The following KTN1 variants were observed in gnomAD, a reference collection of about 807,000 sequenced individuals.
The protein encoded by KTN1 is kinectin.
A neutral mutation model predicts 222.5 loss-of-function variants in KTN1; 130 were observed. The ratio of observed to expected loss-of-function variants is 0.58; its 90% confidence interval spans 0.51 to 0.68. KTN1 has a LOEUF of 0.68. Ranked by LOEUF, KTN1 falls within the 30% of genes least tolerant of loss-of-function variation. The probability of loss-of-function intolerance (pLI) is 0.00; values close to 1 mark genes in which losing one functional copy is unlikely to be tolerated. For missense variants in KTN1, 1,508 were observed against 1,500.4 expected (o/e 1.01, Z -0.08); for synonymous variants, 512 against 496.3 (o/e 1.03, Z -0.42).
chr14:55,611,173 G>A (rs535791620), intron 1 of KTN1, among the ~76,000 whole-genome samples: 50 of 151,958 alleles, frequency 3.3e-4, no homozygotes, highest in African/African-American at 1.2e-3. Flanking sequence ...CTGAAGCCTC[G>A]ACTTCAAAGG....
At chr14:55,580,405 G>C (rs1451862961) in intron 1 of KTN1, 51 bp downstream of exon 1, 1 of 146,602 alleles carries the variant, frequency 6.8e-6, no homozygotes, top group East Asian at 2.0e-4. Context: ...GGGGAGCGCG[G>C]GGGGAGGCGG....
intron 1 of KTN1, among the ~76,000 whole-genome samples, chr14:55,597,784 G>T (rs1232261555): frequency 6.6e-6 from 1 of 152,104 alleles, no homozygotes; most frequent in Admixed American, 6.5e-5. Flanking sequence ...AGCCCGGGAG[G>T]GGGAGGATGC....
Position 55,627,971 on chromosome 14 carries a change from C to T in KTN1, c.1023C>T (p.Leu341=), listed in dbSNP as rs776080528. Residue 341 remains leucine (L), a synonymous_variant, in exon 6 of 44, where the codon CTC becomes CTT. Coordinates refer to ENST00000395314, the MANE Select transcript of KTN1 (RefSeq NM_001079521.2). ...AGCTTCAAGAAAAGGACAAGTTACT[C>T]GCTGCTGTGAAGGAAGATGCTGCTG... ...IHQLQEKDKL[L]AAVKEDAAAT... is the part of the protein sequence containing the mutation. 1.1e-5 allele frequency: 18 copies of T among 1,613,868 alleles called. No individual in the cohort carries two copies. The highest frequency in any genetic ancestry group is 6.7e-5 in the East Asian group (3 of 44,866).
intron 30 of KTN1, among the ~76,000 whole-genome samples, chr14:55,659,376 G>A (rs1225791452): frequency 1.4e-5 from 2 of 147,320 alleles, no homozygotes; most frequent in African/African-American, 2.5e-5. Flanking sequence ...TGTGCAGTTT[G>A]AAAATGTAAG....
chr14:55,629,417 C>CAAAAAAAAA (rs58348373), intron 6 of KTN1, among the ~76,000 whole-genome samples: 1 of 49,148 alleles, frequency 2.0e-5, no homozygotes, highest in Non-Finnish European at 4.2e-5. Flanking sequence ...GACTCCGTCT[C>CAAAAAAAAA]AAAAAAAAAA....
Position 55,650,611 on chromosome 14 carries a change from A to G in KTN1, c.2539A>G (p.Asn847Asp). The change falls in exon 24 of 44, where the codon AAT becomes GAT. Residue 847 changes from asparagine (N) to aspartate (D), a missense_variant. Transcript: ENST00000395314. ...EIKALKEEIG[N>D]VQLEKAQQLS... The stretch of plus-strand genomic sequence containing the variant: ...AAAGGCTCTAAAAGAAGAAATAGGA[A>G]ATGTCCAGCTTGAAAAGGCTCAACA... The G allele has an allele frequency of 6.2e-7, 1 of 1,612,502 alleles. No individual in the cohort carries two copies. Among genetic ancestry groups the G allele is most frequent in the South Asian group, 1.1e-5 (1 of 90,996 alleles).
intron 1 of KTN1, among the ~76,000 whole-genome samples, chr14:55,610,892 G>GC (rs944098510): frequency 1.3e-5 from 2 of 152,132 alleles, no homozygotes; most frequent in Admixed American, 1.3e-4. Flanking sequence ...ATCGCCACCC[G>GC]CCCCCTTCCC....
At chr14:55,582,143 G>C (rs1023152210) in intron 1 of KTN1, among the ~76,000 whole-genome samples, 9 of 152,050 alleles carry the variant, frequency 5.9e-5, no homozygotes, top group Admixed American at 2.6e-4. Context: ...CTTAATACTT[G>C]AAAATTATAA....
At chr14:55,601,573 TA>T (rs1431660461) in intron 1 of KTN1, among the ~76,000 whole-genome samples, 3 of 152,230 alleles carry the variant, frequency 2.0e-5, no homozygotes, top group East Asian at 3.8e-4. Context: ...AGGAAATGGT[TA>T]ATGCTTTGTC....
chr14:55,649,637 A>T, intron 21 of KTN1, 139 bp from the exon 22 acceptor site: 1 of 586,400 alleles, frequency 1.7e-6, no homozygotes, highest in South Asian at 2.2e-5. Flanking sequence ...ATGACATTAA[A>T]AAAGTCTCGA....
intron 1 of KTN1, among the ~76,000 whole-genome samples, chr14:55,595,687 A>C (rs557538189): frequency 1.1e-4 from 16 of 152,176 alleles, no homozygotes; most frequent in Non-Finnish European, 1.9e-4. Context: ...AATATTCTTC[A>C]ATTTATGCCA....
At chr14:55,673,478 G>A in intron 40 of KTN1, 1 of 350,306 alleles carries the variant, frequency 2.9e-6, no homozygotes, top group Non-Finnish European at 5.1e-6. Context: ...GGCATGTTTG[G>A]CTTCCAACTC....
intron 5 of KTN1, among the ~76,000 whole-genome samples, chr14:55,626,751 CTT>C (rs2039880841): frequency 2.0e-5 from 3 of 152,214 alleles, no homozygotes; most frequent in Non-Finnish European, 4.4e-5. Context: ...GCCTTTGCTG[CTT>C]TTCAGATAAG....
intron 18 of KTN1, among the ~76,000 whole-genome samples, chr14:55,645,161 C>A (rs553481068): frequency 2.6e-5 from 4 of 152,068 alleles, no homozygotes; most frequent in Non-Finnish European, 4.4e-5. Flanking sequence ...AACTAAACCT[C>A]GTTTTGAAAA....
At chr14:55,652,738 A>G (rs1418499472) in intron 25 of KTN1, 112 bp from the exon 26 acceptor site, 4 of 674,864 alleles carry the variant, frequency 5.9e-6, no homozygotes, top group Non-Finnish European at 1.0e-5. Context: ...GTTTAGTTCA[A>G]TCAGCTGGTC....
In KTN1 at chr14:55,612,013, A is replaced by G. The variant is rs759530442; in HGVS notation, c.-30-6A>G. On this transcript the variant is annotated splice_polypyrimidine_tract_variant and splice_region_variant and intron_variant, in intron 1 of 43. Transcript: ENST00000395314. ...TTTTTTTGTCCCCACCTTCTTCCCT[A>G]TTTAGGTTTTATAGGATCACATTGA... The G allele has an allele frequency of 3.3e-6, 4 of 1,195,524 alleles. No homozygotes were observed. Among genetic ancestry groups the G allele is most frequent in the Non-Finnish European group, 3.3e-6 (3 of 909,610 alleles). The allele number at this position is 1,195,524 out of a possible 1,614,324, so 74.1% of individuals were successfully genotyped here.
At chr14:55,582,625 G>A (rs1402100704) in intron 1 of KTN1, among the ~76,000 whole-genome samples, 2 of 149,734 alleles carry the variant, frequency 1.3e-5, no homozygotes, top group African/African-American at 2.5e-5. Flanking sequence ...AACTTGAATG[G>A]AACATGTGTT....
chr14:55,608,031 A>G (rs1307286311), intron 1 of KTN1, among the ~76,000 whole-genome samples: 3 of 152,256 alleles, frequency 2.0e-5, no homozygotes, highest in Non-Finnish European at 4.4e-5. Flanking sequence ...TTTCAACTCA[A>G]CAAACATGTA....
At chr14:55,672,050 C>T in intron 37 of KTN1, 173 bp downstream of exon 37, 1 of 551,232 alleles carries the variant, frequency 1.8e-6, no homozygotes, top group Admixed American at 3.5e-5. Context: ...TAGTCTAATG[C>T]CCACCCAAGT....
Sources: allele counts gnomAD v4.1 joint callset (sites outside exome capture counted in the v4.1 genomes callset), GRCh38; gene constraint gnomAD v4.1.1; transcripts MANE v1.5; gene names NCBI Gene and HGNC (gene_info 2026-07-23, HGNC 2026-07-21).